The following TRIM2 variants were observed in gnomAD, a reference collection of about 807,000 sequenced individuals.
TRIM2 encodes the protein tripartite motif-containing protein 2.
TRIM2 carries 20 observed loss-of-function variants against 75.2 expected under a neutral mutation model. That is an observed-to-expected ratio of 0.27 (90% CI 0.19 to 0.39). The LOEUF (loss-of-function observed/expected upper bound fraction) is 0.39. Ranked by LOEUF, TRIM2 falls within the 10% of genes least tolerant of loss-of-function variation. The probability of loss-of-function intolerance (pLI) is 1.00; values close to 1 mark genes in which losing one functional copy is unlikely to be tolerated. For missense variants in TRIM2, 660 were observed against 990.8 expected, an observed-to-expected ratio of 0.67 and a Z score of 4.48; for synonymous variants, 373 against 388.3, an observed-to-expected ratio of 0.96 and a Z score of 0.46.
intron 1 of TRIM2, among the ~76,000 whole-genome samples, chr4:153,267,840 C>T (rs919564398): frequency 6.6e-6 from 1 of 152,056 alleles, no homozygotes; most frequent in Admixed American, 6.5e-5. Context: ...ACCTCGCCTG[C>T]TGCCTAGATA....
At chr4:153,249,697 A>T (rs2149915948) in intron 1 of TRIM2, among the ~76,000 whole-genome samples, 1 of 152,318 alleles carries the variant, frequency 6.6e-6, no homozygotes, top group African/African-American at 2.4e-5. Flanking sequence ...GAACTCTTAA[A>T]TCCCAGCCCT....
In TRIM2 at chr4:153,238,664, T is replaced by C. The variant is rs147190057; in HGVS notation, c.31-31671T>C. ...CATTTTAAGTCTTTTAAAGAAGACT[T>C]GTTGTAAGGCAACAAGCCTGGAGCC... On this transcript the variant is annotated intron_variant, in intron 1 of 11. Coordinates refer to ENST00000338700, the MANE Select transcript of TRIM2 (RefSeq NM_015271.5). Among the ~76,000 whole-genome samples, 470 of 152,310 alleles carry C rather than the reference T, an allele frequency of 3.1e-3. 1 individual carries two copies. The highest frequency in any genetic ancestry group is 0.01 in the African/African-American group (430 of 41,562).
intron 2 of TRIM2, among the ~76,000 whole-genome samples, chr4:153,273,592 C>A (rs1757386000): frequency 6.6e-6 from 1 of 151,960 alleles, no homozygotes; most frequent in South Asian, 2.1e-4. Context: ...CACGCCCAGC[C>A]CTTACAGTCA....
chr4:153,313,517 T>G (rs79521787), intron 6 of TRIM2, among the ~76,000 whole-genome samples: 4,236 of 152,126 alleles, frequency 0.028, 135 homozygotes, highest in African/African-American at 0.073. Flanking sequence ...GACAAGTCTA[T>G]TCCCAAACAG....
At chr4:153,317,118 G>C (rs1450378189) in intron 8 of TRIM2, among the ~76,000 whole-genome samples, 1 of 149,888 alleles carries the variant, frequency 6.7e-6, no homozygotes, top group African/African-American at 2.4e-5. Flanking sequence ...CTGACCTCAT[G>C]ATCCGCCCGC....
At chr4:153,307,773 C>T in intron 6 of TRIM2, 2 of 696,858 alleles carry the variant, frequency 2.9e-6, no homozygotes, top group South Asian at 2.8e-5. Context: ...CAGCCATCTC[C>T]ACCACACAGG....
intron 7 of TRIM2, 45 bp from the exon 8 acceptor site, chr4:153,315,787 T>C: frequency 6.2e-7 from 1 of 1,608,048 alleles, no homozygotes; most frequent in Non-Finnish European, 8.5e-7. Flanking sequence ...TCCTCAGCAA[T>C]GCCTGTACTA....
chr4:153,260,682 A>C (rs903978067), intron 1 of TRIM2, among the ~76,000 whole-genome samples: 108 of 38,410 alleles, frequency 2.8e-3, no homozygotes, highest in South Asian at 0.011. Flanking sequence ...ACACCCACCC[A>C]CACACCCACC....
chr4:153,284,208 TG>T (rs1482582081), intron 3 of TRIM2, among the ~76,000 whole-genome samples: 2 of 147,600 alleles, frequency 1.4e-5, no homozygotes, highest in Admixed American at 1.4e-4. Flanking sequence ...TTTTGTTTTT[TG>T]GTTTTTTTTT....
intron 3 of TRIM2, among the ~76,000 whole-genome samples, chr4:153,279,199 A>G (rs1196331213): frequency 6.6e-6 from 1 of 152,190 alleles, no homozygotes; most frequent in Non-Finnish European, 1.5e-5. Flanking sequence ...GACAGCGTGA[A>G]TTTCAGAGAA....
At position 153,172,595 on chromosome 4, in the gene TRIM2, C is replaced by T. The variant is rs544503770; in HGVS notation, c.-49+19325C>T. Among the ~76,000 whole-genome samples, 96 of 152,296 alleles carry T rather than the reference C, an allele frequency of 6.3e-4. 1 individual carries two copies. Among genetic ancestry groups the T allele is most frequent in the African/African-American group, 2.1e-3 (89 of 41,560 alleles). On this transcript the variant is annotated intron_variant, in intron 1 of 11. Transcript: ENST00000437508. ...GGTTAGATCATAATTGTTCATTCAG[C>T]GCAAATGTGTACTGAATGCCCACTG... is the stretch of plus-strand genomic sequence containing the variant.
Position 153,295,393 on chromosome 4 carries a change from C to T in TRIM2, c.867C>T (p.Leu289=), listed in dbSNP as rs774375318. The T allele has an allele frequency of 6.2e-7, 1 of 1,614,112 alleles. No individual in the cohort carries two copies. Among genetic ancestry groups the T allele is most frequent in the Non-Finnish European group, 8.5e-7 (1 of 1,179,972 alleles). The change falls in exon 6 of 12, where the codon CTC becomes CTT. Residue 289 remains leucine (L), a synonymous_variant. Transcript: ENST00000338700. This position sits in a 1 kb window ranked among gnomAD's most constrained non-coding sequence, Gnocchi z 7.2. ...GCAGCAACTTCACAGCGCAGGCCCTCAACCATGGCACGGAGACCGAGGTCC... is the reference window on the plus strand; with the variant it reads ...GCAGCAACTTCACAGCGCAGGCCCTTAACCATGGCACGGAGACCGAGGTCC... ...KSCSNFTAQA[L]NHGTETEVLL... is the part of the protein sequence containing the mutation.
chr4:153,295,235 C>T lies in TRIM2; in HGVS notation c.787-78C>T, dbSNP rs1287730523. 2 of 1,438,526 alleles carry T rather than the reference C, an allele frequency of 1.4e-6. No individual in the cohort carries two copies. Among genetic ancestry groups the T allele is most frequent in the East Asian group, 2.5e-5 (1 of 39,768 alleles). 89.1% of individuals were successfully genotyped at this position (1,438,526 alleles called of 1,614,324 possible). On this transcript the variant is annotated intron_variant, in intron 5 of 11. Transcript: ENST00000338700. The surrounding 1 kb of genome is among the most constrained non-coding windows in gnomAD (Gnocchi z 7.2). ...GCGTGGGCAGGTGTAGAGTCTCCTTCTCGCCGGTGGAGGGCACTGCCCCGG... is the reference window on the plus strand; with the variant it reads ...GCGTGGGCAGGTGTAGAGTCTCCTTTTCGCCGGTGGAGGGCACTGCCCCGG...
chr4:153,244,944 G>T (rs373174914), intron 1 of TRIM2, among the ~76,000 whole-genome samples: 1 of 152,236 alleles, frequency 6.6e-6, no homozygotes, highest in East Asian at 1.9e-4. Context: ...TTTCTGGCAG[G>T]TTCCTCCTGC....
At chr4:153,201,162 C>T (rs1001220892), upstream of TRIM2, among the ~76,000 whole-genome samples, 8 of 152,116 alleles carry the variant, frequency 5.3e-5, no homozygotes, top group Admixed American at 2.0e-4. Flanking sequence ...CAGAATTTTG[C>T]CATGTTGGCC....
At chr4:153,288,469 T>G (rs944901171) in intron 3 of TRIM2, among the ~76,000 whole-genome samples, 1 of 152,140 alleles carries the variant, frequency 6.6e-6, no homozygotes, top group African/African-American at 2.4e-5. Flanking sequence ...TATGGAATAT[T>G]TCTTATACAA....
At chr4:153,211,959 C>T (rs1296674015) in intron 1 of TRIM2, among the ~76,000 whole-genome samples, 1 of 152,138 alleles carries the variant, frequency 6.6e-6, no homozygotes, top group Non-Finnish European at 1.5e-5. Context: ...CATCTTTTCC[C>T]CGGTAGATGG....
intron 3 of TRIM2, among the ~76,000 whole-genome samples, chr4:153,289,894 C>A (rs1761482050): frequency 1.3e-5 from 2 of 152,204 alleles, no homozygotes; most frequent in African/African-American, 4.8e-5. Context: ...TTTGCCCCAA[C>A]ACCCGAAATA....
At chr4:153,290,958 C>G (rs1387724592) in intron 3 of TRIM2, among the ~76,000 whole-genome samples, 2 of 151,692 alleles carry the variant, frequency 1.3e-5, no homozygotes, top group African/African-American at 2.4e-5. Flanking sequence ...AGAATGCATA[C>G]AAGAAATTTC....
Sources: allele counts gnomAD v4.1 joint callset (sites outside exome capture counted in the v4.1 genomes callset), GRCh38; gene constraint gnomAD v4.1.1; non-coding constraint Gnocchi (gnomAD v3.1); transcripts MANE v1.5; gene names NCBI Gene and HGNC (gene_info 2026-07-23, HGNC 2026-07-21).